Variants in TTL observed in about 807,000 individuals in gnomAD.
The protein encoded by TTL is tubulin--tyrosine ligase.
TTL carries 10 observed loss-of-function variants against 41.1 expected under a neutral mutation model. That is an observed-to-expected ratio of 0.24 (90% CI 0.15 to 0.41). The LOEUF is 0.41. Among genes scored for constraint, TTL ranks in the 10% least tolerant of loss-of-function variants. The pLI is 1.00. For synonymous variants in TTL, 175 were observed against 175.5 expected (o/e 1.00, Z 0.02); for missense variants, 367 against 460.4 (o/e 0.80, Z 1.86).
At position 112,532,819 on chromosome 2, in the gene TTL, C is replaced by G. The variant is rs540907052; in HGVS notation, c.*4024C>G. On this transcript the variant is annotated 3_prime_UTR_variant, in exon 7 of 7. Coordinates refer to ENST00000233336, the MANE Select transcript of TTL (RefSeq NM_153712.5). ...GCCAGATGTGCAGTAATTTGCTGACCCCAGGATGTTACCCAATACATAAGC... is the reference window on the plus strand; with the variant it reads ...GCCAGATGTGCAGTAATTTGCTGACGCCAGGATGTTACCCAATACATAAGC... 1 of 153,238 alleles carries G rather than the reference C, an allele frequency of 6.5e-6. No homozygotes were observed. The highest frequency in any genetic ancestry group is 1.8e-4 in the East Asian group (1 of 5,470). 9.5% of individuals were successfully genotyped at this position (153,238 alleles called of 1,614,324 possible).
chr2:112,530,135 A>G lies in TTL; in HGVS notation c.*1340A>G. On this transcript the variant is annotated 3_prime_UTR_variant, in exon 7 of 7. Transcript: ENST00000233336. ...CGTGCTACGTTCTTTCTTCATGCCT[A>G]TGTGTGCTCCATTCCTCATTTCTAC... 1 of 229,122 alleles carries G rather than the reference A, an allele frequency of 4.4e-6. No homozygotes were observed. The highest frequency in any genetic ancestry group is 8.7e-6 in the Non-Finnish European group (1 of 115,496). 14.2% of individuals were successfully genotyped at this position (229,122 alleles called of 1,614,324 possible).
At chr2:112,483,103 C>T (rs1160825014) in intron 1 of TTL, 2 of 152,236 alleles carry the variant, frequency 1.3e-5, no homozygotes, top group Non-Finnish European at 2.9e-5. Context: ...TGATTATAAA[C>T]CTTTCCTTAG....
Position 112,531,354 on chromosome 2 carries a change from A to G in TTL, c.*2559A>G, listed in dbSNP as rs886474243. Reference sequence around the variant, plus strand: ...TGGTTCTGTCATTTGACTGCACAGTATCAGAGGAGCCTGTTAACCTCTCTG... The same window carrying G: ...TGGTTCTGTCATTTGACTGCACAGTGTCAGAGGAGCCTGTTAACCTCTCTG... On this transcript the variant is annotated 3_prime_UTR_variant, in exon 7 of 7. Transcript: ENST00000233336. 3 of 227,286 alleles carry G rather than the reference A, an allele frequency of 1.3e-5. No individual in the cohort carries two copies. The highest frequency in any genetic ancestry group is 6.7e-5 in the African/African-American group (3 of 45,000). The allele number at this position is 227,286 out of a possible 1,614,324, so 14.1% of individuals were successfully genotyped here. A position where few individuals can be genotyped will look rare whatever the true frequency, so the allele number is the denominator to read the frequency against.
rs527290526 is a variant in TTL, at chr2:112,532,541, T to C, written c.*3746T>C. 9.8e-4 allele frequency: 200 copies of C among 204,972 alleles called. No individual in the cohort carries two copies. The highest frequency in any genetic ancestry group is 1.7e-3 in the Non-Finnish European group (166 of 100,004). The allele number at this position is 204,972 out of a possible 1,614,324, so 12.7% of individuals were successfully genotyped here. On this transcript the variant is annotated 3_prime_UTR_variant, in exon 7 of 7. Transcript: ENST00000233336. ...CTGAGGTGGGAGGATCGCTTGAGGC[T>C]GAGGTGTGAGGCTGCAGTGAACCAT...
At chr2:112,525,562 G>A (rs1682350748) in intron 6 of TTL, among the ~76,000 whole-genome samples, 1 of 152,130 alleles carries the variant, frequency 6.6e-6, no homozygotes, top group African/African-American at 2.4e-5. Flanking sequence ...GTTGTGAATG[G>A]GAGTTCACTC....
intron 2 of TTL, among the ~76,000 whole-genome samples, chr2:112,492,708 C>T (rs529079851): frequency 1.3e-5 from 2 of 149,412 alleles, no homozygotes; most frequent in Admixed American, 6.7e-5. Flanking sequence ...TCAGCCTGGG[C>T]GACAGAGCGA....
intron 2 of TTL, among the ~76,000 whole-genome samples, chr2:112,486,857 T>C (rs1307608256): frequency 6.6e-6 from 1 of 152,214 alleles, no homozygotes; most frequent in Non-Finnish European, 1.5e-5. Flanking sequence ...CTTAATTTTC[T>C]TGGCTGTAAA....
intron 5 of TTL, among the ~76,000 whole-genome samples, chr2:112,510,745 C>T (rs1251356276): frequency 6.6e-6 from 1 of 152,130 alleles, no homozygotes; most frequent in Non-Finnish European, 1.5e-5. Flanking sequence ...TTATCAGTTT[C>T]CCTCTAAATA....
In TTL at chr2:112,532,320, A is replaced by T. The variant is rs1005534646; in HGVS notation, c.*3525A>T. 8.8e-6 allele frequency: 2 copies of T among 227,804 alleles called. No individual in the cohort carries two copies. The highest frequency in any genetic ancestry group is 1.7e-5 in the Non-Finnish European group (2 of 114,716). 14.1% of individuals were successfully genotyped at this position (227,804 alleles called of 1,614,324 possible). On this transcript the variant is annotated 3_prime_UTR_variant, in exon 7 of 7. Coordinates refer to ENST00000233336, the MANE Select transcript of TTL (RefSeq NM_153712.5). Reference sequence around the variant, plus strand: ...CTCTGGTTCTGGACACAAAATCTGTACTGGAGAGGAAATGACTGCTGAAAT... The same window carrying T: ...CTCTGGTTCTGGACACAAAATCTGTTCTGGAGAGGAAATGACTGCTGAAAT...
In TTL at chr2:112,531,898, G is replaced by C. The variant is rs556422541; in HGVS notation, c.*3103G>C. 1 of 222,328 alleles carries C rather than the reference G, an allele frequency of 4.5e-6. No homozygotes were observed. The allele number at this position is 222,328 out of a possible 1,614,324, so 13.8% of individuals were successfully genotyped here. A position where few individuals can be genotyped will look rare whatever the true frequency, so the allele number is the denominator to read the frequency against. ...TAAACAGACACGAAATTATAAATCT[G>C]CTAAATATGTATTAAGGGTATTAAT... On this transcript the variant is annotated 3_prime_UTR_variant, in exon 7 of 7. Transcript: ENST00000233336.
rs575028205 is a variant in TTL, at chr2:112,532,650, A to T, written c.*3855A>T. 3 of 180,944 alleles carry T rather than the reference A, an allele frequency of 1.7e-5. No individual in the cohort carries two copies. In the South Asian group the frequency reaches 5.9e-4, roughly 36 times the overall value. The allele number at this position is 180,944 out of a possible 1,614,324, so 11.2% of individuals were successfully genotyped here. On this transcript the variant is annotated 3_prime_UTR_variant, in exon 7 of 7. Coordinates refer to ENST00000233336, the MANE Select transcript of TTL (RefSeq NM_153712.5). Reference sequence around the variant, plus strand: ...TAAATAATAAAGTAAATATAAATCCATGATGCCGTTACTCAGGGGTAGACA... The same window carrying T: ...TAAATAATAAAGTAAATATAAATCCTTGATGCCGTTACTCAGGGGTAGACA...
In TTL at chr2:112,536,102, A is replaced by G. The variant is rs150975267; in HGVS notation, c.*7307A>G. On this transcript the variant is annotated 3_prime_UTR_variant, in exon 7 of 7. Coordinates refer to ENST00000233336, the MANE Select transcript of TTL (RefSeq NM_153712.5). ...ACAGGATCTCACTCTTTATGGCTGA[A>G]CAGTACTCCATTGTGTATAAGCAAT... 6.6e-6 allele frequency: 1 copy of G among 152,326 alleles called. No individual in the cohort carries two copies. The highest frequency in any genetic ancestry group is 6.5e-5 in the Admixed American group (1 of 15,298). The allele number at this position is 152,326 out of a possible 1,614,324, so 9.4% of individuals were successfully genotyped here.
chr2:112,501,325 C>T lies in TTL; in HGVS notation c.589C>T (p.Arg197Cys), dbSNP rs1482727472. 6.2e-7 allele frequency: 1 copy of T among 1,603,534 alleles called. No homozygotes were observed. The highest frequency in any genetic ancestry group is 1.3e-5 in the African/African-American group (1 of 74,090). The change falls in exon 4 of 7, where the codon CGC (arginine) becomes TGC (cysteine). Residue 197 changes from arginine to cysteine, a missense_variant. By Grantham distance (180) the Arg-to-Cys change is radical. Coordinates refer to ENST00000233336, the MANE Select transcript of TTL (RefSeq NM_153712.5). ...CCCTCTGCTGCTTGAGCCAGGTCAT[C>T]GCAAGTTTGACATCCGGTAATGCAT... The part of the protein sequence containing the change: ...EHPLLLEPGH[R>C]KFDIRSWVLV...
chr2:112,498,237 C>T (rs1447789485), intron 3 of TTL, among the ~76,000 whole-genome samples: 18 of 151,968 alleles, frequency 1.2e-4, no homozygotes, highest in African/African-American at 4.1e-4. Context: ...GTGGGAGAAT[C>T]GCTTGAACCC....
chr2:112,490,530 A>G (rs1236158052), intron 2 of TTL, among the ~76,000 whole-genome samples: 1 of 151,524 alleles, frequency 6.6e-6, no homozygotes, highest in African/African-American at 2.4e-5. Flanking sequence ...AAAATGAAGT[A>G]GTAAAGGAAA....
intron 5 of TTL, among the ~76,000 whole-genome samples, chr2:112,511,586 A>G (rs1327301271): frequency 6.7e-6 from 1 of 149,660 alleles, no homozygotes; most frequent in Non-Finnish European, 1.5e-5. Context: ...CTTTTTTTTG[A>G]GATGGTCTGA....
At chr2:112,518,971 G>A (rs57828299) in intron 5 of TTL, among the ~76,000 whole-genome samples, 1,975 of 152,216 alleles carry the variant, frequency 0.013, 39 homozygotes, top group African/African-American at 0.045. Flanking sequence ...CACCGCGCCC[G>A]GCTGGCCCCT....
At position 112,528,687 on chromosome 2, in the gene TTL, C is replaced by T. The variant is rs373897008; in HGVS notation, c.1026C>T (p.Leu342=). 1.9e-6 allele frequency: 3 copies of T among 1,612,856 alleles called. No homozygotes were observed. Among genetic ancestry groups the T allele is most frequent in the African/African-American group, 2.7e-5 (2 of 74,888 alleles). ...TTTTAAAAACACATTTCAGGAAGCT[C>T]TATGCAGAACTGTGCCAAGGCATCG... is the stretch of plus-strand genomic sequence containing the variant. ...VNGAPACAQK[L]YAELCQGIVD... is the part of the protein sequence containing the mutation. Residue 342 remains leucine, a synonymous_variant, in exon 7 of 7, where the codon CTC becomes CTT. Transcript: ENST00000233336.
At chr2:112,484,633 A>G (rs557711626) in intron 1 of TTL, among the ~76,000 whole-genome samples, 1 of 152,278 alleles carries the variant, frequency 6.6e-6, no homozygotes, top group South Asian at 2.1e-4. Context: ...ATCACTGTTA[A>G]GGGATATTTA....
Sources: allele counts gnomAD v4.1 joint callset (sites outside exome capture counted in the v4.1 genomes callset), GRCh38; gene constraint gnomAD v4.1.1; transcripts MANE v1.5; gene names NCBI Gene and HGNC (gene_info 2026-07-23, HGNC 2026-07-21).